PFKFB3: variants seen among roughly 807,000 people sequenced by gnomAD.
PFKFB3 encodes 6-phosphofructo-2-kinase/fructose-2,6-biphosphatase 3, also known as 6-phosphofructo-2-kinase/fructose-2,6-bisphosphatase 3.
PFKFB3 carries 33 observed loss-of-function variants against 68.0 expected under a neutral mutation model. The ratio of observed to expected loss-of-function variants is 0.49; its 90% confidence interval spans 0.37 to 0.65. PFKFB3 has a LOEUF of 0.65. PFKFB3 is among the 30% of genes least tolerant of loss of function. PFKFB3 has a pLI of 0.00. For synonymous variants in PFKFB3, 315 were observed against 288.2 expected (o/e 1.09, Z -0.94); for missense variants, 586 against 712.2 (o/e 0.82, Z 2.02).
the PFKFB3 span, among the ~76,000 whole-genome samples, chr10:6,283,373 G>A: frequency 6.6e-6 from 1 of 152,174 alleles, no homozygotes; most frequent in South Asian, 2.1e-4. Context: ...AAGTTTCTTT[G>A]GCTTTATTCT....
Position 6,202,937 on chromosome 10 carries a change from A to G in PFKFB3, c.-324A>G. On this transcript the variant is annotated 5_prime_UTR_variant, in exon 1 of 15. Transcript: ENST00000379775. ...GGCGGTGCGCGGGGCATCCCAGCCA[A>G]GCCGGAGAGGAGGCGAGCAGCAGGG... is the stretch of plus-strand genomic sequence containing the variant. 8.1e-7 allele frequency: 1 copy of G among 1,228,076 alleles called. No homozygotes were observed. Among genetic ancestry groups the G allele is most frequent in the East Asian group, 4.5e-5 (1 of 22,156 alleles). The allele number at this position is 1,228,076 out of a possible 1,614,324, so 76.1% of individuals were successfully genotyped here. A position where few individuals can be genotyped will look rare whatever the true frequency, so the allele number is the denominator to read the frequency against.
downstream of PFKFB3, among the ~76,000 whole-genome samples, chr10:6,240,273 A>G (rs1317849525): frequency 6.7e-6 from 1 of 149,628 alleles, no homozygotes; most frequent in Non-Finnish European, 1.5e-5. Flanking sequence ...GTAAGTAGGT[A>G]TGTATTTTTG....
At chr10:6,262,733 CAG>C in the PFKFB3 span, among the ~76,000 whole-genome samples, 1 of 152,208 alleles carries the variant, frequency 6.6e-6, no homozygotes, top group African/African-American at 2.4e-5. Context: ...CCTAAGGTAA[CAG>C]AGAGAATAGC....
intron 7 of PFKFB3, 122 bp downstream of exon 7, chr10:6,219,815 T>C (rs1014885012): frequency 1.0e-6 from 1 of 971,826 alleles, no homozygotes. Flanking sequence ...GACAGTTTTT[T>C]TTGTAGAGAT....
At chr10:6,309,696 G>A in the PFKFB3 span, among the ~76,000 whole-genome samples, 14 of 151,836 alleles carry the variant, frequency 9.2e-5, no homozygotes, top group Admixed American at 5.9e-4. Context: ...TAGACATATC[G>A]CCATATTTAT....
chr10:6,228,695 A>G lies in PFKFB3; in HGVS notation c.1515+2330A>G, dbSNP rs76713914. 0.031 allele frequency among the ~76,000 whole-genome samples: 531 copies of G among 17,114 alleles called. 4 individuals carry two copies. Among genetic ancestry groups the G allele is most frequent in the Non-Finnish European group, 0.085 (274 of 3,216 alleles). The allele number at this position is 17,114 out of a possible 152,430, so 11.2% of individuals were successfully genotyped here. Reference sequence around the variant, plus strand: ...AACCAAACCTATGGGGAATAGTGGGAGTGTGGTGGGGCCTGAGCTCTGAGC... The same window carrying G: ...AACCAAACCTATGGGGAATAGTGGGGGTGTGGTGGGGCCTGAGCTCTGAGC... On this transcript the variant is annotated intron_variant, in intron 14 of 14. Coordinates refer to ENST00000379775, the MANE Select transcript of PFKFB3 (RefSeq NM_004566.4). The surrounding 1 kb of genome is among the most constrained non-coding windows in gnomAD (Gnocchi z 4.5).
intron 14 of PFKFB3, among the ~76,000 whole-genome samples, chr10:6,232,013 C>A (rs1340646507): frequency 6.6e-6 from 1 of 152,240 alleles, no homozygotes; most frequent in African/African-American, 2.4e-5. Context: ...AGCCTTGGAC[C>A]CCCAGTTCTG....
the PFKFB3 span, among the ~76,000 whole-genome samples, chr10:6,275,827 AT>A: frequency 0.24 from 35,876 of 149,226 alleles, 4,608 homozygotes; most frequent in South Asian, 0.41. This position sits in a 1 kb window ranked among gnomAD's most constrained non-coding sequence, Gnocchi z 4.9. Context: ...AGAATGAAAC[AT>A]TTTTTTTTTA....
the PFKFB3 span, among the ~76,000 whole-genome samples, chr10:6,314,519 C>G: frequency 6.6e-6 from 1 of 152,184 alleles, no homozygotes; most frequent in African/African-American, 2.4e-5. Flanking sequence ...TTTCCATAGT[C>G]CTATGTGCTC....
chr10:6,231,838 C>G (rs993815348), intron 14 of PFKFB3, among the ~76,000 whole-genome samples: 2 of 151,470 alleles, frequency 1.3e-5, no homozygotes, highest in Non-Finnish European at 2.9e-5. Context: ...CTCATCACCT[C>G]CCGGTGGGCA....
At chr10:6,239,453 G>A (rs1036761530), downstream of PFKFB3, among the ~76,000 whole-genome samples, 14 of 152,176 alleles carry the variant, frequency 9.2e-5, no homozygotes, top group African/African-American at 3.1e-4. Flanking sequence ...AGGGAGTTGA[G>A]TCGCATATTA....
chr10:6,215,373 G>T lies in PFKFB3; in HGVS notation c.299+56G>T. ...CTGTGGGAATAAGGCTGGGCCGCGG[G>T]CATAAGGCTGGGCTGCAGGAGTAAG... On this transcript the variant is annotated intron_variant, in intron 3 of 14. Transcript: ENST00000379775. The surrounding 1 kb of genome is among the most constrained non-coding windows in gnomAD (Gnocchi z 4.3). 2 of 1,370,886 alleles carry T rather than the reference G, an allele frequency of 1.5e-6. No individual in the cohort carries two copies. The highest frequency in any genetic ancestry group is 1.7e-5 in the Admixed American group (1 of 57,652). The allele number at this position is 1,370,886 out of a possible 1,614,324, so 84.9% of individuals were successfully genotyped here.
At chr10:6,163,637 T>C (rs1488242307) in intron 1 of PFKFB3, among the ~76,000 whole-genome samples, 1 of 151,998 alleles carries the variant, frequency 6.6e-6, no homozygotes, top group South Asian at 2.1e-4. Flanking sequence ...CTCGGGCGCC[T>C]AAGCCAGCTG....
At chr10:6,146,130 C>A in intron 1 of PFKFB3, 1 of 666,018 alleles carries the variant, frequency 1.5e-6, no homozygotes, top group Non-Finnish European at 1.9e-6. Context: ...ACGTTGAGGA[C>A]TGGGGGTGTG....
chr10:6,249,210 A>T (rs1046845688), intron 14 of PFKFB3, among the ~76,000 whole-genome samples: 4 of 151,178 alleles, frequency 2.6e-5, no homozygotes, highest in Admixed American at 6.6e-5. Context: ...AAAAGAAAAG[A>T]AAAGGAAACC....
chr10:6,164,894 C>T (rs531689674), intron 1 of PFKFB3, among the ~76,000 whole-genome samples: 49 of 152,238 alleles, frequency 3.2e-4, no homozygotes, highest in African/African-American at 1.2e-3. Context: ...GCGGTTTTCT[C>T]CTATCTCAGA....
exon 15 of PFKFB3, chr10:6,254,432 A>G (rs1175350011): frequency 7.5e-6 from 3 of 398,302 alleles, no homozygotes; most frequent in Admixed American, 4.4e-5. Flanking sequence ...AGCTTCCCTT[A>G]TGCTGTGGTT....
chr10:6,264,203 G>T, the PFKFB3 span, among the ~76,000 whole-genome samples: 6 of 152,250 alleles, frequency 3.9e-5, no homozygotes, highest in Non-Finnish European at 8.8e-5. Context: ...GTTCCATTAC[G>T]TATTCGTCTA....
At chr10:6,237,128 G>T (rs1434457827), downstream of PFKFB3, among the ~76,000 whole-genome samples, 1 of 152,190 alleles carries the variant, frequency 6.6e-6, no homozygotes, top group Non-Finnish European at 1.5e-5. Flanking sequence ...AGCTATCCGG[G>T]GTTCTCCCCG....
Sources: allele counts gnomAD v4.1 joint callset (sites outside exome capture counted in the v4.1 genomes callset), GRCh38; gene constraint gnomAD v4.1.1; non-coding constraint Gnocchi (gnomAD v3.1); transcripts MANE v1.5; gene names NCBI Gene and HGNC (gene_info 2026-07-23, HGNC 2026-07-21).